ZMAT4: variants seen among roughly 807,000 people sequenced by gnomAD.
ZMAT4 encodes the protein zinc finger matrin-type protein 4.
Under a neutral mutation model 28.7 loss-of-function variants are expected in ZMAT4, and 17 were observed. That is an observed-to-expected ratio of 0.59 (90% CI 0.41 to 0.89). ZMAT4 has a LOEUF of 0.89. Among genes scored for constraint, ZMAT4 ranks in the 40% least tolerant of loss-of-function variants. The pLI, the probability that ZMAT4 is intolerant of heterozygous loss-of-function variation, is 0.00. For synonymous variants in ZMAT4, 117 were observed against 109.2 expected (o/e 1.07, Z -0.44); for missense variants, 240 against 283.8 (o/e 0.85, Z 1.11).
intron 5 of ZMAT4, among the ~76,000 whole-genome samples, chr8:40,599,429 G>C (rs571653530): frequency 1.6e-4 from 24 of 152,158 alleles, no homozygotes; most frequent in Admixed American, 1.2e-3. Context: ...AGACATAAAC[G>C]TTTTTCCATA....
At chr8:40,717,165 C>T (rs1302954728) in intron 3 of ZMAT4, among the ~76,000 whole-genome samples, 1 of 152,172 alleles carries the variant, frequency 6.6e-6, no homozygotes, top group Non-Finnish European at 1.5e-5. Context: ...GCTTATCAAA[C>T]CTTGCACACA....
At chr8:40,619,477 C>T (rs1418432938) in intron 5 of ZMAT4, among the ~76,000 whole-genome samples, 2 of 152,108 alleles carry the variant, frequency 1.3e-5, no homozygotes. Flanking sequence ...CAGAGATTGT[C>T]TTTAAGGCGG....
chr8:40,758,984 T>A (rs960919107), intron 3 of ZMAT4, among the ~76,000 whole-genome samples: 1 of 152,164 alleles, frequency 6.6e-6, no homozygotes, highest in Non-Finnish European at 1.5e-5. Flanking sequence ...TGGAATGGTA[T>A]CTGAGAAAAG....
intron 1 of ZMAT4, among the ~76,000 whole-genome samples, chr8:40,873,096 T>C (rs1181112101): frequency 6.6e-6 from 1 of 152,080 alleles, no homozygotes; most frequent in African/African-American, 2.4e-5. Flanking sequence ...GAAGAATCCT[T>C]GGGAGGAACA....
At chr8:40,721,937 T>A (rs1227626604) in intron 3 of ZMAT4, among the ~76,000 whole-genome samples, 7 of 152,138 alleles carry the variant, frequency 4.6e-5, no homozygotes, top group Non-Finnish European at 1.0e-4. Flanking sequence ...GATTCCCTAT[T>A]TAATAAATTG....
intron 5 of ZMAT4, among the ~76,000 whole-genome samples, chr8:40,673,247 G>C (rs575880964): frequency 1.3e-5 from 2 of 152,062 alleles, no homozygotes; most frequent in African/African-American, 2.4e-5. Context: ...ATATTCCCTT[G>C]GTGAGATCTT....
intron 2 of ZMAT4, among the ~76,000 whole-genome samples, chr8:40,812,774 T>C (rs573752160): frequency 1.3e-5 from 2 of 151,882 alleles, no homozygotes; most frequent in Admixed American, 1.3e-4. Flanking sequence ...CTATTAAAAA[T>C]ACAAAAAATT....
intron 6 of ZMAT4, among the ~76,000 whole-genome samples, chr8:40,558,142 G>A (rs555733881): frequency 6.6e-6 from 1 of 152,264 alleles, no homozygotes; most frequent in East Asian, 1.9e-4. Context: ...CATGGGTGTG[G>A]TGGGGAGGAG....
intron 2 of ZMAT4, among the ~76,000 whole-genome samples, chr8:40,816,114 G>A (rs746952947): frequency 1.6e-4 from 25 of 152,146 alleles, no homozygotes; most frequent in Non-Finnish European, 2.8e-4. Context: ...CTGGGCATCC[G>A]GCAAAGTGAC....
At chr8:40,709,198 A>C (rs78511749) in intron 3 of ZMAT4, among the ~76,000 whole-genome samples, 7,017 of 152,240 alleles carry the variant, frequency 0.046, 314 homozygotes, top group East Asian at 0.25. Flanking sequence ...CTATGCTAAT[A>C]GTTATACTGT....
At chr8:40,548,599 T>G (rs1351765612) in intron 6 of ZMAT4, among the ~76,000 whole-genome samples, 1 of 152,202 alleles carries the variant, frequency 6.6e-6, no homozygotes, top group African/African-American at 2.4e-5. Flanking sequence ...TCTGCATGGC[T>G]GAGTCAAGAA....
At chr8:40,618,981 A>T (rs1333645067) in intron 5 of ZMAT4, among the ~76,000 whole-genome samples, 1 of 152,262 alleles carries the variant, frequency 6.6e-6, no homozygotes, top group African/African-American at 2.4e-5. Flanking sequence ...AAGCTGAATC[A>T]TACTGGGAAC....
intron 2 of ZMAT4, among the ~76,000 whole-genome samples, chr8:40,799,826 G>C (rs1586071589): frequency 6.6e-6 from 1 of 152,266 alleles, no homozygotes; most frequent in East Asian, 1.9e-4. Flanking sequence ...GATATTATGA[G>C]ATACACCAAC....
rs532310892 is a variant in ZMAT4, at chr8:40,571,572, G to A, written c.674+9593C>T. Among the ~76,000 whole-genome samples, 21 of 152,198 alleles carry A rather than the reference G, an allele frequency of 1.4e-4. No homozygotes were observed. The East Asian group carries it at 2.7e-3, about 20-fold the overall frequency. ...GCTGTGACACAGCCTCATTCCTGTC[G>A]TTGTCACAGTGATGCTGATTATCCA... On this transcript the variant is annotated intron_variant, in intron 6 of 6. Coordinates refer to ENST00000297737, the MANE Select transcript of ZMAT4 (RefSeq NM_024645.3).
At position 40,732,423 on chromosome 8, in the gene ZMAT4, G is replaced by T. The variant is rs896585506; in HGVS notation, c.193-35022C>A. Among the ~76,000 whole-genome samples the T allele has an allele frequency of 2.6e-5, 4 of 152,246 alleles. No individual in the cohort carries two copies. The East Asian group carries it at 7.8e-4, about 30-fold the overall frequency. ...TGGAGCCAGCACAATGAGGTGCCAG[G>T]GCCTGCAGCCTTAGGAACCCAAGTA... On this transcript the variant is annotated intron_variant, in intron 3 of 6. Transcript: ENST00000297737.
intron 3 of ZMAT4, among the ~76,000 whole-genome samples, chr8:40,705,624 G>A (rs1252156539): frequency 6.6e-6 from 1 of 152,048 alleles, no homozygotes; most frequent in Non-Finnish European, 1.5e-5. Flanking sequence ...TTTTTTAATT[G>A]ACAGATAAAA....
intron 5 of ZMAT4, among the ~76,000 whole-genome samples, chr8:40,673,038 A>G (rs930437136): frequency 2.6e-5 from 4 of 152,186 alleles, no homozygotes; most frequent in African/African-American, 9.7e-5. Flanking sequence ...GAAAAAATCA[A>G]TCTCGAATCA....
At chr8:40,847,223 A>C (rs953577574) in intron 1 of ZMAT4, among the ~76,000 whole-genome samples, 8 of 151,638 alleles carry the variant, frequency 5.3e-5, no homozygotes, top group African/African-American at 1.7e-4. Context: ...ACAAACAAAA[A>C]AAAAAAACTG....
intron 2 of ZMAT4, among the ~76,000 whole-genome samples, chr8:40,799,674 A>AT (rs953503536): frequency 2.0e-5 from 3 of 152,156 alleles, no homozygotes; most frequent in Non-Finnish European, 4.4e-5. Context: ...AAATAAAAGA[A>AT]TTTTTTTTCT....
Sources: allele counts gnomAD v4.1 joint callset (sites outside exome capture counted in the v4.1 genomes callset), GRCh38; gene constraint gnomAD v4.1.1; transcripts MANE v1.5; gene names NCBI Gene and HGNC (gene_info 2026-07-23, HGNC 2026-07-21).